Variants in CTNNA2 observed in about 807,000 individuals in gnomAD.
CTNNA2 encodes catenin alpha-2.
In CTNNA2, 42 loss-of-function variants were observed where a neutral mutation model predicts 101.0. The observed-to-expected ratio is 0.42, with a 90% confidence interval of 0.32 to 0.54. The LOEUF is 0.54. Ranked by LOEUF, CTNNA2 falls within the 20% of genes least tolerant of loss-of-function variation. The probability of loss-of-function intolerance (pLI) is 0.14; values close to 1 mark genes in which losing one functional copy is unlikely to be tolerated. For missense variants in CTNNA2, 871 were observed against 1,223.1 expected, an observed-to-expected ratio of 0.71 and a Z score of 4.29; for synonymous variants, 450 against 456.4, an observed-to-expected ratio of 0.99 and a Z score of 0.18.
intron 18 of CTNNA2, among the ~76,000 whole-genome samples, chr2:80,631,487 A>T (rs1672293291): frequency 6.6e-6 from 1 of 151,708 alleles, no homozygotes; most frequent in South Asian, 2.1e-4. Flanking sequence ...AACAGACAAT[A>T]TGTTGTCCAT....
chr2:80,179,005 G>A (rs1705584359), intron 7 of CTNNA2, among the ~76,000 whole-genome samples: 1 of 152,196 alleles, frequency 6.6e-6, no homozygotes, highest in Non-Finnish European at 1.5e-5. Context: ...GAAGGGAAAA[G>A]CGATCAAGAT....
chr2:79,851,097 T>A (rs1438404428), intron 3 of CTNNA2, among the ~76,000 whole-genome samples: 1 of 152,200 alleles, frequency 6.6e-6, no homozygotes, highest in Non-Finnish European at 1.5e-5. Flanking sequence ...CTGATTCTTA[T>A]CAAAGAACCA....
intron 2 of CTNNA2, among the ~76,000 whole-genome samples, chr2:79,311,313 G>T (rs1188289346): frequency 6.6e-6 from 1 of 151,030 alleles, no homozygotes; most frequent in Admixed American, 6.6e-5. Context: ...GGAGGCTGAG[G>T]CAGGAGAATG....
chr2:79,857,069 G>T (rs754932107), intron 3 of CTNNA2, among the ~76,000 whole-genome samples: 11 of 152,164 alleles, frequency 7.2e-5, no homozygotes, highest in Non-Finnish European at 1.6e-4. Flanking sequence ...TTCCTCATGG[G>T]TTCTTCCAGA....
chr2:80,117,361 T>G (rs1044292115), intron 7 of CTNNA2, among the ~76,000 whole-genome samples: 2 of 152,130 alleles, frequency 1.3e-5, no homozygotes, highest in East Asian at 3.9e-4. Flanking sequence ...ATGATCTCAC[T>G]GACTCACCTA....
chr2:80,247,120 G>A (rs778948065), intron 7 of CTNNA2, among the ~76,000 whole-genome samples: 32 of 152,156 alleles, frequency 2.1e-4, no homozygotes, highest in Admixed American at 7.2e-4. Context: ...GGGGCACATT[G>A]CAAGGGAAGG....
intron 4 of CTNNA2, among the ~76,000 whole-genome samples, chr2:79,407,443 T>A (rs528112518): frequency 4.0e-5 from 6 of 151,762 alleles, no homozygotes; most frequent in African/African-American, 1.4e-4. Flanking sequence ...TATTTTCTGG[T>A]TTTTTTTCTC....
intron 4 of CTNNA2, among the ~76,000 whole-genome samples, chr2:79,424,659 G>A (rs1437778414): frequency 2.6e-5 from 4 of 152,032 alleles, no homozygotes; most frequent in African/African-American, 9.7e-5. Flanking sequence ...CAGATAGAAA[G>A]GGGTCATTAG....
chr2:80,526,295 G>C (rs554872051), intron 9 of CTNNA2, among the ~76,000 whole-genome samples: 20 of 152,266 alleles, frequency 1.3e-4, no homozygotes, highest in African/African-American at 4.6e-4. Context: ...CGCCTCCCGG[G>C]TTCAAGGGAT....
intron 7 of CTNNA2, among the ~76,000 whole-genome samples, chr2:80,118,648 C>T (rs942489069): frequency 9.9e-5 from 15 of 152,176 alleles, no homozygotes; most frequent in Non-Finnish European, 1.6e-4. Flanking sequence ...TTCTATGAAG[C>T]CAATTCATGA....
chr2:79,195,912 G>A (rs1673954181), intron 1 of CTNNA2: 1 of 473,022 alleles, frequency 2.1e-6, no homozygotes, highest in Admixed American at 2.3e-5. Flanking sequence ...AGGTAGGGTG[G>A]AAAGTAGGGG....
intron 7 of CTNNA2, among the ~76,000 whole-genome samples, chr2:80,004,985 C>A (rs1179461263): frequency 1.3e-5 from 2 of 152,282 alleles, no homozygotes; most frequent in Non-Finnish European, 2.9e-5. Context: ...TGGGAGCCAC[C>A]GTGCCCAAAC....
chr2:79,860,402 G>A (rs1681499395), intron 4 of CTNNA2, among the ~76,000 whole-genome samples: 1 of 152,096 alleles, frequency 6.6e-6, no homozygotes, highest in Non-Finnish European at 1.5e-5. Context: ...GGGCGATGAC[G>A]CCATGTGTGG....
At chr2:79,808,802 T>TTA (rs1553471535) in intron 3 of CTNNA2, among the ~76,000 whole-genome samples, 2 of 151,786 alleles carry the variant, frequency 1.3e-5, no homozygotes, top group Non-Finnish European at 2.9e-5. Context: ...CTTTTTTTTT[T>TTA]ATTATACTTT....
intron 1 of CTNNA2, among the ~76,000 whole-genome samples, chr2:79,643,076 A>G (rs1269319808): frequency 6.6e-6 from 1 of 152,038 alleles, no homozygotes; most frequent in Non-Finnish European, 1.5e-5. Flanking sequence ...CTGTAGTCCA[A>G]GCTACTCGGG....
intron 7 of CTNNA2, among the ~76,000 whole-genome samples, chr2:80,228,954 A>C (rs189989722): frequency 1.3e-5 from 2 of 152,280 alleles, no homozygotes; most frequent in Non-Finnish European, 2.9e-5. Flanking sequence ...TGCATTTTAG[A>C]TTCAAATGCC....
chr2:79,335,216 C>T (rs987833083), intron 3 of CTNNA2, among the ~76,000 whole-genome samples: 6 of 152,104 alleles, frequency 3.9e-5, no homozygotes, highest in Non-Finnish European at 8.8e-5. Flanking sequence ...CCCCAGTTAC[C>T]CTCAGAATAC....
chr2:80,180,736 A>G (rs747650378), intron 7 of CTNNA2, among the ~76,000 whole-genome samples: 5 of 152,190 alleles, frequency 3.3e-5, no homozygotes, highest in Non-Finnish European at 7.3e-5. Flanking sequence ...AAGATGAGTA[A>G]GTCTAAATTG....
chr2:80,326,672 G>A (rs1442419140), intron 7 of CTNNA2, among the ~76,000 whole-genome samples: 1 of 152,000 alleles, frequency 6.6e-6, no homozygotes, highest in Non-Finnish European at 1.5e-5. Context: ...AGGGGGAGAA[G>A]ATAGAGATTC....
Sources: allele counts gnomAD v4.1 joint callset (sites outside exome capture counted in the v4.1 genomes callset), GRCh38; gene constraint gnomAD v4.1.1; transcripts MANE v1.5; gene names NCBI Gene and HGNC (gene_info 2026-07-23, HGNC 2026-07-21).